The following NR6A1 variants were observed in gnomAD, a reference collection of about 807,000 sequenced individuals.
NR6A1 encodes the protein retinoic acid receptor-related testis-associated receptor.
In NR6A1, 7 loss-of-function variants were observed where a neutral mutation model predicts 59.1. The observed-to-expected ratio is 0.12, with a 90% CI of 0.07 to 0.22. NR6A1 has a LOEUF of 0.22. Ranked by LOEUF, NR6A1 falls within the 10% of genes least tolerant of loss-of-function variation. NR6A1 has a pLI of 1.00. For synonymous variants in NR6A1, 243 were observed against 236.1 expected (o/e 1.03, Z -0.27); for missense variants, 468 against 611.6 (o/e 0.77, Z 2.48).
At chr9:124,689,334 T>G (rs1338658673) in intron 2 of NR6A1, among the ~76,000 whole-genome samples, 1 of 152,054 alleles carries the variant, frequency 6.6e-6, no homozygotes, top group Non-Finnish European at 1.5e-5. Flanking sequence ...GGCTCCAAAA[T>G]CTGCTCTTTA....
At chr9:124,543,775 C>T in intron 4 of NR6A1, 27 bp downstream of exon 4, 2 of 1,600,614 alleles carry the variant, frequency 1.2e-6, no homozygotes, top group Non-Finnish European at 1.7e-6. Context: ...CCAGGACGGA[C>T]CACAGAGACT....
At position 124,519,888 on chromosome 9, in the gene NR6A1, C is replaced by G. The variant is rs1243278267; in HGVS notation, c.*2817G>C. On this transcript the variant is annotated 3_prime_UTR_variant, in exon 10 of 10. Coordinates refer to ENST00000487099, the MANE Select transcript of NR6A1 (RefSeq NM_033334.4). ...CTGCACTCCAGCCTGAGCGACAGAG[C>G]GAGACTCCGCCTCAAAAAAAAAAAA... The G allele has an allele frequency of 8.7e-6, 1 of 114,360 alleles. No homozygotes were observed. Among genetic ancestry groups the G allele is most frequent in the East Asian group, 2.7e-4 (1 of 3,738 alleles). The allele number at this position is 114,360 out of a possible 1,614,324, so 7.1% of individuals were successfully genotyped here.
At position 124,596,252 on chromosome 9, in the gene NR6A1, C is replaced by T. The variant is rs190711689; in HGVS notation, c.143-41682G>A. On this transcript the variant is annotated intron_variant, in intron 2 of 9. Transcript: ENST00000487099. Reference sequence around the variant, plus strand: ...TAGAAAATTTAAAGCCAAAACCTTTCGGTCTAAGGAAAAGACAAAACGGAA... The same window carrying T: ...TAGAAAATTTAAAGCCAAAACCTTTTGGTCTAAGGAAAAGACAAAACGGAA... Among the ~76,000 whole-genome samples the T allele has an allele frequency of 1.1e-4, 17 of 151,468 alleles. No individual in the cohort carries two copies. In the East Asian group the frequency reaches 2.5e-3, roughly 22 times the overall value.
intron 2 of NR6A1, among the ~76,000 whole-genome samples, chr9:124,629,530 G>A (rs1338630710): frequency 2.0e-5 from 3 of 152,200 alleles, no homozygotes; most frequent in African/African-American, 7.2e-5. Flanking sequence ...TCCAGAAGAT[G>A]GGAATCAAAT....
intron 2 of NR6A1, among the ~76,000 whole-genome samples, chr9:124,721,910 T>G (rs542725992): frequency 6.6e-6 from 1 of 152,344 alleles, no homozygotes; most frequent in African/African-American, 2.4e-5. Flanking sequence ...CTAGGTACTT[T>G]GGGGTGAGTC....
intron 2 of NR6A1, among the ~76,000 whole-genome samples, chr9:124,588,866 G>T: frequency 6.8e-6 from 1 of 147,640 alleles, no homozygotes. Context: ...CTTGCAGTGA[G>T]CCGAGATCGT....
intron 2 of NR6A1, among the ~76,000 whole-genome samples, chr9:124,699,988 C>T (rs534906609): frequency 2.0e-4 from 30 of 152,206 alleles, no homozygotes; most frequent in South Asian, 1.5e-3. Flanking sequence ...ACCTGAGTAG[C>T]TTTGATTACA....
chr9:124,694,420 A>G (rs1163012946), intron 2 of NR6A1, among the ~76,000 whole-genome samples: 2 of 152,174 alleles, frequency 1.3e-5, no homozygotes, highest in East Asian at 1.9e-4. Context: ...TTAAATGGCT[A>G]TATAGTATGA....
chr9:124,735,074 C>A (rs1210331382), intron 1 of NR6A1, among the ~76,000 whole-genome samples: 1 of 152,144 alleles, frequency 6.6e-6, no homozygotes, highest in African/African-American at 2.4e-5. Flanking sequence ...AAACTCCTGA[C>A]CTCAAGTGAT....
intron 2 of NR6A1, among the ~76,000 whole-genome samples, chr9:124,712,964 GT>G (rs1839319668): frequency 6.6e-6 from 1 of 152,140 alleles, no homozygotes; most frequent in African/African-American, 2.4e-5. Flanking sequence ...ATTTTCTCAA[GT>G]TGATAAAGGG....
intron 2 of NR6A1, among the ~76,000 whole-genome samples, chr9:124,557,422 C>G (rs529385273): frequency 6.6e-6 from 1 of 152,020 alleles, no homozygotes; most frequent in Non-Finnish European, 1.5e-5. Context: ...AGTGGGCCAC[C>G]GCGCCCGGCC....
chr9:124,523,276 A>C (rs1832845293), intron 9 of NR6A1, among the ~76,000 whole-genome samples: 1 of 152,198 alleles, frequency 6.6e-6, no homozygotes, highest in African/African-American at 2.4e-5. Context: ...AAAAAGAAGC[A>C]GGGGTAAAGA....
chr9:124,569,460 G>C (rs143155030), intron 2 of NR6A1, among the ~76,000 whole-genome samples: 26 of 152,296 alleles, frequency 1.7e-4, no homozygotes, highest in Non-Finnish European at 3.1e-4. Flanking sequence ...CTGCTTTTCA[G>C]ACTGTGATGA....
At chr9:124,542,405 CCTTT>C (rs1016900439) in intron 4 of NR6A1, among the ~76,000 whole-genome samples, 7 of 152,204 alleles carry the variant, frequency 4.6e-5, no homozygotes, top group Non-Finnish European at 8.8e-5. Context: ...ACTCCGAACA[CCTTT>C]CTTTCATTCC....
chr9:124,712,498 C>T (rs1314181134), intron 2 of NR6A1, among the ~76,000 whole-genome samples: 1 of 151,852 alleles, frequency 6.6e-6, no homozygotes, highest in Non-Finnish European at 1.5e-5. Flanking sequence ...GTCCCAGCTA[C>T]TCAGGAGGCT....
chr9:124,581,881 T>A (rs1834782291), intron 2 of NR6A1, among the ~76,000 whole-genome samples: 1 of 152,136 alleles, frequency 6.6e-6, no homozygotes, highest in Non-Finnish European at 1.5e-5. Context: ...AGATACCATC[T>A]CACATCAGTC....
intron 2 of NR6A1, among the ~76,000 whole-genome samples, chr9:124,684,027 T>C (rs1023010657): frequency 6.6e-6 from 1 of 152,234 alleles, no homozygotes; most frequent in African/African-American, 2.4e-5. Flanking sequence ...CTATGACTCT[T>C]GCCCAGTGTG....
chr9:124,680,649 C>T lies in NR6A1; in HGVS notation c.142+52659G>A, dbSNP rs536398282. ...AATAATACACGGTTTGTCTCCTCTGCTATAGCCCACTGCAGCCATAAATGT... is the reference window on the plus strand; with the variant it reads ...AATAATACACGGTTTGTCTCCTCTGTTATAGCCCACTGCAGCCATAAATGT... On this transcript the variant is annotated intron_variant, in intron 2 of 9. Coordinates refer to ENST00000487099, the MANE Select transcript of NR6A1 (RefSeq NM_033334.4). Among the ~76,000 whole-genome samples the T allele has an allele frequency of 3.9e-5, 6 of 152,274 alleles. No homozygotes were observed. In the East Asian group the frequency reaches 1.2e-3, roughly 29 times the overall value.
intron 2 of NR6A1, among the ~76,000 whole-genome samples, chr9:124,587,258 A>G (rs1834963146): frequency 6.6e-6 from 1 of 152,236 alleles, no homozygotes; most frequent in African/African-American, 2.4e-5. Flanking sequence ...TAGTATAAAC[A>G]CAACTTTTAT....
Sources: gnomAD v4.1 joint callset for allele counts (sites outside exome capture counted in the v4.1 genomes callset) on GRCh38, gnomAD v4.1.1 for gene constraint, MANE v1.5 for transcripts, NCBI Gene and HGNC (gene_info 2026-07-23, HGNC 2026-07-21) for gene names.